Variants in KCP observed in about 807,000 individuals in gnomAD.
The protein encoded by KCP is kielin cysteine rich BMP regulator, also known as kielin/chordin-like protein.
Under a neutral mutation model 212.7 loss-of-function variants are expected in KCP, and 194 were observed. The ratio of observed to expected loss-of-function variants is 0.91; its 90% CI spans 0.81 to 1.03. KCP has a LOEUF of 1.03. Ranked by LOEUF, KCP falls within the 50% of genes least tolerant of loss-of-function variation. The probability of loss-of-function intolerance (pLI) is 0.00; values close to 1 mark genes in which losing one functional copy is unlikely to be tolerated. For synonymous variants in KCP, 833 were observed against 865.3 expected (o/e 0.96, Z 0.65); for missense variants, 2,080 against 2,162.5 (o/e 0.96, Z 0.76).
intron 28 of KCP, 121 bp downstream of exon 28, chr7:128,884,660 A>G (rs1793534001): frequency 1.1e-6 from 1 of 891,800 alleles, no homozygotes; most frequent in Non-Finnish European, 1.8e-6. Context: ...CCACAGGGAT[A>G]CACTCCTTTG....
chr7:128,880,302 T>A, intron 34 of KCP, 84 bp downstream of exon 34: 1 of 1,439,668 alleles, frequency 6.9e-7, no homozygotes, highest in Non-Finnish European at 9.2e-7. Context: ...CCAGCCTCCC[T>A]CTCTGATGCC....
At chr7:128,907,047 A>G in intron 4 of KCP, 54 bp downstream of exon 4, 2 of 1,496,720 alleles carry the variant, frequency 1.3e-6, no homozygotes, top group Admixed American at 2.0e-5. Context: ...AGTGACAGGT[A>G]GCTGGAGAGA....
intron 8 of KCP, among the ~76,000 whole-genome samples, chr7:128,895,232 G>A (rs538396299): frequency 5.3e-5 from 8 of 152,280 alleles, no homozygotes; most frequent in African/African-American, 1.9e-4. Flanking sequence ...TGTCACTTAA[G>A]CTCTCTGTGA....
chr7:128,909,721 G>C (rs367633147), intron 1 of KCP, among the ~76,000 whole-genome samples: 9 of 152,082 alleles, frequency 5.9e-5, no homozygotes, highest in Non-Finnish European at 1.2e-4. Flanking sequence ...AGCAAGTCCC[G>C]CTGGGATGGA....
chr7:128,906,504 G>C, intron 4 of KCP, 141 bp from the exon 5 acceptor site: 2 of 679,802 alleles, frequency 2.9e-6, no homozygotes, highest in Admixed American at 2.2e-5. Context: ...GCTACCCTCT[G>C]TGTAAAGGCA....
At chr7:128,894,890 G>C (rs1377634620) in intron 8 of KCP, among the ~76,000 whole-genome samples, 1 of 152,158 alleles carries the variant, frequency 6.6e-6, no homozygotes, top group Admixed American at 6.5e-5. Flanking sequence ...TTACAGGTGT[G>C]AGCCACTGTT....
chr7:128,892,224 G>C (rs1375962843), intron 16 of KCP, among the ~76,000 whole-genome samples: 1 of 151,926 alleles, frequency 6.6e-6, no homozygotes, highest in Non-Finnish European at 1.5e-5. Context: ...GTTTACCTGG[G>C]GGGTAGGGGG....
intron 29 of KCP, among the ~76,000 whole-genome samples, chr7:128,883,093 C>A (rs1793428863): frequency 6.6e-6 from 1 of 151,304 alleles, no homozygotes; most frequent in South Asian, 2.1e-4. Flanking sequence ...ATAAAAAAAC[C>A]AAATTGGAGA....
rs575290694 is a variant in KCP at position 128,896,847 on chromosome 7, C to T, written c.832-2554G>A. Among the ~76,000 whole-genome samples the T allele has an allele frequency of 6.4e-5, 9 of 140,660 alleles. No homozygotes were observed. The South Asian group carries it at 9.5e-4, about 15-fold the overall frequency. The allele number at this position is 140,660 out of a possible 152,430, so 92.3% of individuals were successfully genotyped here. On this transcript the variant is annotated intron_variant, in intron 8 of 39. Coordinates refer to ENST00000610776, the MANE Select transcript of KCP (RefSeq NM_001366122.1). ...CAGAAGTTGCAGTGAGCTGAGATGG[C>T]GCCATTTCACTCCAGCCTGGCGACA...
At position 128,886,975 on chromosome 7, in the gene KCP, G is replaced by T; in HGVS notation, c.2599-9C>A. On this transcript the variant is annotated splice_polypyrimidine_tract_variant and intron_variant, in intron 23 of 39. Coordinates refer to ENST00000610776, the MANE Select transcript of KCP (RefSeq NM_001366122.1). ...CAGCGCATGGAACCTTCCTGGGGGA[G>T]AGAGGCCCATCACACCCTCAACTGG... 6.9e-7 allele frequency: 1 copy of T among 1,439,096 alleles called. No homozygotes were observed. Among genetic ancestry groups the T allele is most frequent in the South Asian group, 1.2e-5 (1 of 81,334 alleles). 89.1% of individuals were successfully genotyped at this position (1,439,096 alleles called of 1,614,324 possible).
At position 128,888,934 on chromosome 7, in the gene KCP, C is replaced by T. The variant is rs554345022; in HGVS notation, c.2441G>A (p.Arg814His). ...TCLGGFVTCG[R>H]RPCEPPGCSH... is the part of the protein sequence containing the mutation. The stretch of plus-strand genomic sequence containing the variant: ...GCAGCCCGGAGGCTCACAGGGCCGG[C>T]GGCCGCAGGTCACGAAGCCTCCAAG... Residue 814 changes from arginine to histidine, a missense_variant, in exon 22 of 40, where the codon CGC (arginine) becomes CAC (histidine). Transcript: ENST00000610776. 3.7e-5 allele frequency: 58 copies of T among 1,549,972 alleles called. No individual in the cohort carries two copies. The highest frequency in any genetic ancestry group is 2.7e-4 in the South Asian group (23 of 83,934).
At chr7:128,910,017 A>C (rs1251074185) in intron 1 of KCP, among the ~76,000 whole-genome samples, 1 of 151,878 alleles carries the variant, frequency 6.6e-6, no homozygotes, top group Non-Finnish European at 1.5e-5. Context: ...CTCCCAGGCC[A>C]CTCCTCCAGT....
chr7:128,906,467 G>A (rs1180003829), intron 4 of KCP, 104 bp from the exon 5 acceptor site: 4 of 822,894 alleles, frequency 4.9e-6, no homozygotes, highest in Admixed American at 4.0e-5. Flanking sequence ...ATAGGGGCAA[G>A]AGGATGAGTT....
At chr7:128,888,316 CCACA>C (rs1793843311) in intron 22 of KCP, among the ~76,000 whole-genome samples, 1 of 101,878 alleles carries the variant, frequency 9.8e-6, no homozygotes, top group Non-Finnish European at 2.0e-5. Context: ...ACAGATACAC[CCACA>C]CAGAGCAACA....
rs1794126154 is a variant in KCP, at chr7:128,891,450, C to T, written c.1878+1G>A. ...CGCCTCCCACCCAGGTGCAGACTCA[C>T]CAGACAGCGACACAGACGGCAGGGG... On this transcript the variant is annotated splice_donor_variant, in intron 18 of 39. Coordinates refer to ENST00000610776, the MANE Select transcript of KCP (RefSeq NM_001366122.1). LOFTEE classifies it high-confidence loss of function. 3.2e-6 allele frequency: 5 copies of T among 1,550,440 alleles called. No homozygotes were observed. In the East Asian group the frequency reaches 1.2e-4, roughly 38 times the overall value.
At chr7:128,903,985 AGGCAGGGCCCAG>A in intron 6 of KCP, 59 bp downstream of exon 6, 3 of 1,438,600 alleles carry the variant, frequency 2.1e-6, no homozygotes, top group African/African-American at 1.4e-5. Context: ...GAGGAGTGGC[AGGCAGGGCCCAG>A]GGCAGGGCAG....
At chr7:128,895,477 C>T (rs1242467472) in intron 8 of KCP, among the ~76,000 whole-genome samples, 1 of 152,226 alleles carries the variant, frequency 6.6e-6, no homozygotes, top group Non-Finnish European at 1.5e-5. Context: ...GTCTGAGCAG[C>T]CAATGACTTC....
intron 22 of KCP, among the ~76,000 whole-genome samples, chr7:128,888,052 C>CA (rs1793805609): frequency 7.0e-6 from 1 of 143,516 alleles, no homozygotes; most frequent in African/African-American, 2.6e-5. Context: ...CACACACACA[C>CA]ATCCCACATA....
rs371746654 is a variant in KCP, at chr7:128,892,883, G to C, written c.1406C>G (p.Pro469Arg). ...CAGGCACTCACCAGGGGGCTGGGTG[G>C]GGTGCTGGCAGGGGGCTGGGGGGCA... ...VLCPPAPCQH[P>R]TQPPGACCPS... The change falls in exon 14 of 40, where the codon CCC becomes CGC. Residue 469 changes from proline to arginine, a missense_variant. Physicochemically the swap from Pro to Arg is moderately radical, Grantham distance 103 (BLOSUM62 -2). Transcript: ENST00000610776. 1 of 1,550,550 alleles carries C rather than the reference G, an allele frequency of 6.4e-7. No individual in the cohort carries two copies. The highest frequency in any genetic ancestry group is 2.4e-5 in the East Asian group (1 of 40,916).
Sources: gnomAD v4.1 joint callset for allele counts (sites outside exome capture counted in the v4.1 genomes callset) on GRCh38, gnomAD v4.1.1 for gene constraint, MANE v1.5 for transcripts, NCBI Gene and HGNC (gene_info 2026-07-23, HGNC 2026-07-21) for gene names.